CREB3L2: variants seen among roughly 807,000 people sequenced by gnomAD.
The protein encoded by CREB3L2 is cAMP responsive element binding protein 3 like 2, also known as cyclic AMP-responsive element-binding protein 3-like protein 2.
In CREB3L2, 23 loss-of-function variants were observed where a neutral mutation model predicts 57.2. The observed-to-expected ratio is 0.40, with a 90% confidence interval of 0.29 to 0.57. The LOEUF (loss-of-function observed/expected upper bound fraction) is 0.57, where lower values mean the gene tolerates loss of function less well. Among genes scored for constraint, CREB3L2 ranks in the 20% least tolerant of loss-of-function variants. CREB3L2 has a pLI of 0.42. For missense variants in CREB3L2, 628 were observed against 634.7 expected, an observed-to-expected ratio of 0.99 and a Z score of 0.11; for synonymous variants, 268 against 265.1, an observed-to-expected ratio of 1.01 and a Z score of -0.11.
intron 1 of CREB3L2, among the ~76,000 whole-genome samples, chr7:137,930,438 A>C (rs1800591012): frequency 6.6e-6 from 1 of 152,222 alleles, no homozygotes; most frequent in Non-Finnish European, 1.5e-5. Flanking sequence ...TCCCACCACC[A>C]AACTGAAGTG....
chr7:137,885,716 G>C (rs1799403526), intron 8 of CREB3L2, among the ~76,000 whole-genome samples: 1 of 152,190 alleles, frequency 6.6e-6, no homozygotes, highest in Non-Finnish European at 1.5e-5. Flanking sequence ...CTTCACACTT[G>C]AAAGTCCTGT....
intron 8 of CREB3L2, among the ~76,000 whole-genome samples, chr7:137,891,072 C>A (rs1563240812): frequency 6.6e-6 from 1 of 152,322 alleles, no homozygotes; most frequent in East Asian, 1.9e-4. Context: ...ATACGTTTAT[C>A]TGGGCCAACA....
chr7:137,971,598 G>A (rs903821509), intron 1 of CREB3L2, among the ~76,000 whole-genome samples: 2 of 151,282 alleles, frequency 1.3e-5, no homozygotes, highest in Non-Finnish European at 2.9e-5. Context: ...TCTGCAACCC[G>A]AATCCCCTGG....
chr7:137,970,493 T>G (rs1431389933), intron 1 of CREB3L2, among the ~76,000 whole-genome samples: 3 of 151,288 alleles, frequency 2.0e-5, no homozygotes, highest in African/African-American at 7.3e-5. Flanking sequence ...AAACTAAGTT[T>G]CCTAACTTTA....
intron 1 of CREB3L2, among the ~76,000 whole-genome samples, chr7:137,940,529 G>A (rs1327448680): frequency 6.6e-6 from 1 of 152,172 alleles, no homozygotes; most frequent in East Asian, 1.9e-4. Context: ...TCAAAGAGTT[G>A]AGAACTGAAA....
intron 1 of CREB3L2, among the ~76,000 whole-genome samples, chr7:137,990,006 A>T (rs1801860269): frequency 6.6e-6 from 1 of 152,186 alleles, no homozygotes; most frequent in South Asian, 2.1e-4. Context: ...ACTTGTCACT[A>T]TCAATTCTGC....
At position 137,879,010 on chromosome 7, in the gene CREB3L2, A is replaced by T. The variant is rs1799221164; in HGVS notation, c.*1466T>A. ...GCATTTCAGCTGCTAATAAAAATAA[A>T]ATACAAACTCTATGCACATTTCCTA... On this transcript the variant is annotated 3_prime_UTR_variant, in exon 12 of 12. Transcript: ENST00000330387. 1 of 414,308 alleles carries T rather than the reference A, an allele frequency of 2.4e-6. No homozygotes were observed. Among genetic ancestry groups the T allele is most frequent in the Non-Finnish European group, 4.5e-6 (1 of 220,394 alleles). The allele number at this position is 414,308 out of a possible 1,614,324, so 25.7% of individuals were successfully genotyped here.
chr7:137,928,556 A>G (rs1800535280), intron 1 of CREB3L2, among the ~76,000 whole-genome samples, 190 bp from the exon 2 acceptor site: 1 of 150,042 alleles, frequency 6.7e-6, no homozygotes, highest in African/African-American at 2.5e-5. Flanking sequence ...TAATATTAAT[A>G]TATTACTTCT....
chr7:137,886,176 T>C (rs745668842), intron 8 of CREB3L2, among the ~76,000 whole-genome samples: 15 of 152,316 alleles, frequency 9.8e-5, no homozygotes, highest in Non-Finnish European at 1.8e-4. Flanking sequence ...CATTTTGTTA[T>C]AGCAACCTGA....
rs1563268383 is a variant in CREB3L2, at chr7:137,967,974, G to A, written c.102+33630C>T. Among the ~76,000 whole-genome samples, 3 of 152,192 alleles carry A rather than the reference G, an allele frequency of 2.0e-5. 1 individual carries two copies. The South Asian group carries it at 6.2e-4, about 31-fold the overall frequency. On this transcript the variant is annotated intron_variant, in intron 1 of 11. Coordinates refer to ENST00000330387, the MANE Select transcript of CREB3L2 (RefSeq NM_194071.4). ...CTAATCCTCAACACAATGCTGCAAG[G>A]TAGGTTATACTCTTCCCATTTGTGG...
intron 1 of CREB3L2, among the ~76,000 whole-genome samples, chr7:137,975,382 C>A (rs1010419084): frequency 6.6e-6 from 1 of 152,170 alleles, no homozygotes; most frequent in Non-Finnish European, 1.5e-5. Flanking sequence ...CATATTTGGG[C>A]CTCTGCAATC....
chr7:137,906,896 G>A (rs1038711576), intron 5 of CREB3L2, among the ~76,000 whole-genome samples: 2 of 152,184 alleles, frequency 1.3e-5, no homozygotes, highest in Non-Finnish European at 2.9e-5. Context: ...TAGCCACGTG[G>A]AACTGTAAGT....
chr7:137,935,545 A>C lies in CREB3L2; in HGVS notation c.103-7179T>G, dbSNP rs184597366. Among the ~76,000 whole-genome samples, 37 of 152,264 alleles carry C rather than the reference A, an allele frequency of 2.4e-4. No homozygotes were observed. The East Asian group carries it at 3.5e-3, about 14-fold the overall frequency. Reference sequence around the variant, plus strand: ...TTCTTTGATGTTCCTTTCATTGCCAAGTTACTTAAATATCTTATCACTAGG... The same window carrying C: ...TTCTTTGATGTTCCTTTCATTGCCACGTTACTTAAATATCTTATCACTAGG... On this transcript the variant is annotated intron_variant, in intron 1 of 11. Coordinates refer to ENST00000330387, the MANE Select transcript of CREB3L2 (RefSeq NM_194071.4).
intron 10 of CREB3L2, chr7:137,884,610 A>G: frequency 2.0e-6 from 1 of 506,250 alleles, no homozygotes; most frequent in East Asian, 3.4e-5. Flanking sequence ...GCATTACATT[A>G]CTCATACAAT....
intron 1 of CREB3L2, among the ~76,000 whole-genome samples, chr7:137,973,653 C>A (rs899501724): frequency 1.0e-4 from 15 of 150,610 alleles, no homozygotes; most frequent in Admixed American, 9.3e-4. Context: ...CCTAATGCCA[C>A]GAGGCAAAAA....
At chr7:137,893,583 G>A (rs1248309180) in intron 8 of CREB3L2, among the ~76,000 whole-genome samples, 2 of 151,752 alleles carry the variant, frequency 1.3e-5, no homozygotes, top group Non-Finnish European at 2.9e-5. Context: ...CACAAAATTA[G>A]TGCAAACAGA....
intron 8 of CREB3L2, among the ~76,000 whole-genome samples, chr7:137,900,533 A>C (rs181987163): frequency 6.6e-6 from 1 of 152,130 alleles, no homozygotes; most frequent in African/African-American, 2.4e-5. Context: ...AGTGGCTCAG[A>C]CCTGTAATTC....
intron 8 of CREB3L2, among the ~76,000 whole-genome samples, 166 bp downstream of exon 8, chr7:137,901,188 A>G (rs903754535): frequency 6.6e-6 from 1 of 152,182 alleles, no homozygotes; most frequent in Non-Finnish European, 1.5e-5. Context: ...GTGTGTGTGT[A>G]GCAGGAGTGG....
chr7:137,927,764 T>C (rs1327947159), intron 2 of CREB3L2, among the ~76,000 whole-genome samples: 2 of 141,520 alleles, frequency 1.4e-5, no homozygotes, highest in East Asian at 4.3e-4. Context: ...AAGAAGCTTC[T>C]ATAGAGGAAT....
Sources: allele counts gnomAD v4.1 joint callset (sites outside exome capture counted in the v4.1 genomes callset), GRCh38; gene constraint gnomAD v4.1.1; transcripts MANE v1.5; gene names NCBI Gene and HGNC (gene_info 2026-07-23, HGNC 2026-07-21).